NAV2: variants seen among roughly 807,000 people sequenced by gnomAD.
NAV2 encodes helicase, APC down-regulated 1.
NAV2 carries 54 observed loss-of-function variants against 223.2 expected under a neutral mutation model. The ratio of observed to expected loss-of-function variants is 0.24; its 90% CI spans 0.19 to 0.30. The LOEUF (loss-of-function observed/expected upper bound fraction) is 0.30, where lower values mean the gene tolerates loss of function less well. NAV2 is among the 10% of genes least tolerant of loss of function. The pLI, the probability that NAV2 is intolerant of heterozygous loss-of-function variation, is 1.00. For missense variants in NAV2, 2,806 were observed against 3,147.5 expected (o/e 0.89, Z 2.60); for synonymous variants, 1,279 against 1,239.3 (o/e 1.03, Z -0.67).
At chr11:19,898,485 G>A (rs1193255106) in intron 6 of NAV2, among the ~76,000 whole-genome samples, 1 of 152,170 alleles carries the variant, frequency 6.6e-6, no homozygotes, top group Non-Finnish European at 1.5e-5. Flanking sequence ...ATGAAATCAT[G>A]AAGTCATGGA....
At chr11:19,903,402 G>A (rs1308130707) in intron 6 of NAV2, among the ~76,000 whole-genome samples, 2 of 152,142 alleles carry the variant, frequency 1.3e-5, no homozygotes, top group Non-Finnish European at 2.9e-5. Flanking sequence ...CAGTGGTTAT[G>A]CTTGTTTTTA....
rs532844669 is a variant in NAV2 at position 19,639,236 on chromosome 11, A to T, written c.76-193248A>T. Among the ~76,000 whole-genome samples the T allele has an allele frequency of 2.3e-4, 35 of 152,302 alleles. No individual in the cohort carries two copies. In the South Asian group the frequency reaches 7.0e-3, roughly 31 times the overall value. On this transcript the variant is annotated intron_variant, in intron 1 of 37. Coordinates refer to the NAV2 transcript ENST00000360655. Reference sequence around the variant, plus strand: ...TATTTGAGGACCCCCGACATAGTCCACTTCAGGTTTGTTGTTTGACATAGA... The same window carrying T: ...TATTTGAGGACCCCCGACATAGTCCTCTTCAGGTTTGTTGTTTGACATAGA...
intron 11 of NAV2, among the ~76,000 whole-genome samples, chr11:20,031,124 C>T (rs2055687944): frequency 1.3e-5 from 2 of 152,314 alleles, no homozygotes; most frequent in Admixed American, 1.3e-4. Flanking sequence ...CAATCCTCTT[C>T]CAGGAATGAT....
chr11:19,678,203 T>C (rs1159348730), intron 1 of NAV2, among the ~76,000 whole-genome samples: 8 of 152,192 alleles, frequency 5.3e-5, no homozygotes. Flanking sequence ...TTGCTAACTT[T>C]TGTGATTGTG....
At chr11:20,036,165 G>T in intron 12 of NAV2, 68 bp downstream of exon 12, 2 of 1,591,272 alleles carry the variant, frequency 1.3e-6, no homozygotes, top group Non-Finnish European at 1.7e-6. Context: ...GGGCTTGTGG[G>T]GTAAGAGGGC....
chr11:19,509,812 T>C (rs1432306085), intron 1 of NAV2, among the ~76,000 whole-genome samples: 5 of 152,072 alleles, frequency 3.3e-5, no homozygotes, highest in African/African-American at 7.2e-5. Context: ...CCCTGACATT[T>C]GCTAGAATTG....
chr11:19,422,540 C>T (rs982587818), intron 1 of NAV2, among the ~76,000 whole-genome samples: 2 of 152,170 alleles, frequency 1.3e-5, no homozygotes, highest in Non-Finnish European at 2.9e-5. Context: ...GAGCCTGATT[C>T]CTGTCCCAAC....
rs1565295714 is a variant in NAV2 at position 19,776,609 on chromosome 11, G to GTGT, written c.268-55874_268-55873insGTT. On this transcript the variant is annotated intron_variant, in intron 1 of 37. Coordinates refer to ENST00000349880, the MANE Select transcript of NAV2 (RefSeq NM_145117.5). ...GTGTGTGTGTGTGTGTGTGTGTGTG[G>GTGT]TTAGAGTTGTGGGGGTCAGAAAATG... Among the ~76,000 whole-genome samples the GTGT allele has an allele frequency of 1.3e-3, 90 of 69,678 alleles. 3 individuals are homozygous for GTGT. Among genetic ancestry groups the GTGT allele is most frequent in the South Asian group, 5.2e-3 (13 of 2,502 alleles). The allele number at this position is 69,678 out of a possible 152,430, so 45.7% of individuals were successfully genotyped here.
chr11:19,710,304 A>T (rs1488197310), upstream of NAV2, among the ~76,000 whole-genome samples: 6 of 152,244 alleles, frequency 3.9e-5, no homozygotes, highest in Non-Finnish European at 8.8e-5. Context: ...GAACACCAGC[A>T]TGTGCATGAC....
intron 8 of NAV2, among the ~76,000 whole-genome samples, chr11:19,944,507 C>A (rs1302526159): frequency 1.3e-5 from 2 of 148,826 alleles, no homozygotes; most frequent in Non-Finnish European, 3.0e-5. Flanking sequence ...TTCCTCTTTC[C>A]CCTTTCCCCT....
At chr11:19,388,310 G>C (rs1849120467) in intron 1 of NAV2, among the ~76,000 whole-genome samples, 1 of 152,300 alleles carries the variant, frequency 6.6e-6, no homozygotes, top group East Asian at 1.9e-4. Context: ...AAAAGACTTT[G>C]CAAGAACCCG....
At chr11:20,019,232 GTTATC>G (rs2054275755) in intron 11 of NAV2, among the ~76,000 whole-genome samples, 1 of 152,148 alleles carries the variant, frequency 6.6e-6, no homozygotes, top group Non-Finnish European at 1.5e-5. Flanking sequence ...TTGGTCCAAG[GTTATC>G]TTATTGCAGA....
chr11:19,604,348 A>G (rs556565427), intron 1 of NAV2, among the ~76,000 whole-genome samples: 2 of 152,206 alleles, frequency 1.3e-5, no homozygotes, highest in East Asian at 3.9e-4. Flanking sequence ...TGCTAAATAT[A>G]TGCTCAAATT....
At chr11:19,854,233 A>T (rs894885117) in intron 3 of NAV2, among the ~76,000 whole-genome samples, 15 of 152,176 alleles carry the variant, frequency 9.9e-5, no homozygotes, top group Admixed American at 8.5e-4. Context: ...TTGTTTTTTT[A>T]AAAATTTGCC....
At chr11:20,117,868 A>G (rs965828516) in intron 37 of NAV2, among the ~76,000 whole-genome samples, 3 of 152,238 alleles carry the variant, frequency 2.0e-5, no homozygotes, top group African/African-American at 7.2e-5. Flanking sequence ...ATTATAGGGC[A>G]GGTACTATTA....
intron 1 of NAV2, among the ~76,000 whole-genome samples, chr11:19,675,246 A>G (rs559578003): frequency 6.6e-6 from 1 of 152,188 alleles, no homozygotes; most frequent in South Asian, 2.1e-4. Flanking sequence ...AACTTTAATC[A>G]TATGTTTCAA....
chr11:19,919,524 A>C lies in NAV2; in HGVS notation c.932-13652A>C, dbSNP rs189293909. Among the ~76,000 whole-genome samples the C allele has an allele frequency of 1.7e-3, 259 of 152,320 alleles. 2 individuals carry two copies. Among genetic ancestry groups the C allele is most frequent in the Middle Eastern group, 3.4e-3 (1 of 294 alleles). ...CACAGGGCCCTGGCTCAGAGTGGGA[A>C]TATGGCAGAGGTCAGCTTGGGCAGG... is the stretch of plus-strand genomic sequence containing the variant. On this transcript the variant is annotated intron_variant, in intron 6 of 37. Coordinates refer to ENST00000349880, the MANE Select transcript of NAV2 (RefSeq NM_145117.5).
chr11:19,715,692 G>A (rs568082641), intron 1 of NAV2, among the ~76,000 whole-genome samples: 102 of 152,196 alleles, frequency 6.7e-4, no homozygotes, highest in African/African-American at 2.2e-3. Flanking sequence ...CACCCTGTCC[G>A]TGAAAAAAAA....
intron 1 of NAV2, among the ~76,000 whole-genome samples, chr11:19,463,768 G>A (rs978467018): frequency 2.6e-5 from 4 of 152,168 alleles, no homozygotes; most frequent in Non-Finnish European, 5.9e-5. Context: ...AGGTTTTGGA[G>A]GCAAGAGGGA....
Sources: gnomAD v4.1 joint callset for allele counts (sites outside exome capture counted in the v4.1 genomes callset) on GRCh38, gnomAD v4.1.1 for gene constraint, MANE v1.5 for transcripts, NCBI Gene and HGNC (gene_info 2026-07-23, HGNC 2026-07-21) for gene names.